The following SRPK1 variants were observed in gnomAD, a reference collection of about 807,000 sequenced individuals.
SRPK1 encodes the protein SFRS protein kinase 1.
In SRPK1, 52 loss-of-function variants were observed where a neutral mutation model predicts 89.5. The observed-to-expected ratio is 0.58, with a 90% CI of 0.46 to 0.73. The LOEUF (loss-of-function observed/expected upper bound fraction) is 0.73, where lower values mean the gene tolerates loss of function less well. Among genes scored for constraint, SRPK1 ranks in the 30% least tolerant of loss-of-function variants. SRPK1 has a pLI of 0.00. For synonymous variants in SRPK1, 255 were observed against 270.2 expected (o/e 0.94, Z 0.55); for missense variants, 603 against 780.6 (o/e 0.77, Z 2.71).
intron 13 of SRPK1, among the ~76,000 whole-genome samples, chr6:35,853,542 A>G (rs938537927): frequency 6.6e-6 from 1 of 152,098 alleles, no homozygotes; most frequent in African/African-American, 2.4e-5. Context: ...TTTTTTCCCT[A>G]ATCTTTCCCT....
intron 14 of SRPK1, among the ~76,000 whole-genome samples, chr6:35,841,111 T>A (rs2051647): frequency 6.6e-6 from 1 of 151,792 alleles, no homozygotes; most frequent in Admixed American, 6.6e-5. Context: ...AGGCCTATAA[T>A]CCCAAACACT....
At position 35,836,127 on chromosome 6, in the gene SRPK1, T is replaced by G. The variant is rs532729164; in HGVS notation, c.1784-639A>C. Among the ~76,000 whole-genome samples, 4 of 152,304 alleles carry G rather than the reference T, an allele frequency of 2.6e-5. No individual in the cohort carries two copies. The South Asian group carries it at 8.3e-4, about 32-fold the overall frequency. On this transcript the variant is annotated intron_variant, in intron 15 of 15. Coordinates refer to ENST00000373825, the MANE Select transcript of SRPK1 (RefSeq NM_003137.5). Reference sequence around the variant, plus strand: ...TCAGTGGTGGGCCAGCAAGCATTACTGCCTAAGCTCCACCTCCTGTCAGCT... The same window carrying G: ...TCAGTGGTGGGCCAGCAAGCATTACGGCCTAAGCTCCACCTCCTGTCAGCT...
intron 6 of SRPK1, among the ~76,000 whole-genome samples, chr6:35,876,085 TAAA>T (rs34493292): frequency 0.31 from 24,354 of 77,424 alleles, 2,439 homozygotes; most frequent in South Asian, 0.44. Context: ...ATTCTTAAAT[TAAA>T]AAAAAAAAAA....
intron 4 of SRPK1, 31 bp downstream of exon 4, chr6:35,888,784 C>T (rs1770459631): frequency 4.4e-6 from 6 of 1,377,234 alleles, no homozygotes; most frequent in Non-Finnish European, 6.2e-6. Context: ...CATCATCTAA[C>T]TAATTCTTTT....
intron 6 of SRPK1, among the ~76,000 whole-genome samples, chr6:35,879,685 G>A (rs146287129): frequency 2.0e-4 from 30 of 152,276 alleles, no homozygotes; most frequent in African/African-American, 6.5e-4. Flanking sequence ...GTTAAGTACA[G>A]CATATTCAAA....
chr6:35,880,870 T>C (rs1220009398), intron 6 of SRPK1, among the ~76,000 whole-genome samples: 2 of 147,910 alleles, frequency 1.4e-5, no homozygotes, highest in Admixed American at 1.3e-4. Context: ...TCAAGCAAGA[T>C]GAACTCAAAG....
rs1363912177 is a variant in SRPK1, at chr6:35,916,019, C to T, written c.74+4449G>A. ...ATATACACACACACACACACACACA[C>T]ACACACACACACACACACACACACG... On this transcript the variant is annotated intron_variant, in intron 2 of 15. Coordinates refer to ENST00000373825, the MANE Select transcript of SRPK1 (RefSeq NM_003137.5). Among the ~76,000 whole-genome samples the T allele has an allele frequency of 2.5e-4, 25 of 100,672 alleles. 1 individual carries two copies. The South Asian group carries it at 5.7e-3, about 23-fold the overall frequency. 66.0% of individuals were successfully genotyped at this position (100,672 alleles called of 152,430 possible).
chr6:35,887,408 C>T (rs1234173190), intron 5 of SRPK1, among the ~76,000 whole-genome samples: 1 of 152,124 alleles, frequency 6.6e-6, no homozygotes, highest in African/African-American at 2.4e-5. Flanking sequence ...GCAACATTCT[C>T]ACTTTATGAA....
intron 2 of SRPK1, among the ~76,000 whole-genome samples, chr6:35,907,941 G>A (rs1398544592): frequency 6.6e-6 from 1 of 152,136 alleles, no homozygotes; most frequent in Non-Finnish European, 1.5e-5. Context: ...GTTTTAAAGT[G>A]TGGCACTTCC....
chr6:35,876,395 G>C (rs1244444911), intron 6 of SRPK1, among the ~76,000 whole-genome samples: 1 of 152,140 alleles, frequency 6.6e-6, no homozygotes, highest in Non-Finnish European at 1.5e-5. Flanking sequence ...CTAGCACTTT[G>C]GGAGGCCGAG....
At chr6:35,845,888 T>C (rs554292381) in intron 13 of SRPK1, among the ~76,000 whole-genome samples, 2 of 152,320 alleles carry the variant, frequency 1.3e-5, no homozygotes, top group African/African-American at 2.4e-5. Context: ...GACCCCAGGT[T>C]TGACCACATT....
intron 2 of SRPK1, among the ~76,000 whole-genome samples, chr6:35,891,839 T>G (rs942532632): frequency 3.3e-5 from 5 of 152,186 alleles, no homozygotes; most frequent in African/African-American, 1.2e-4. Flanking sequence ...ACTAAAAATA[T>G]AGTTGTTGAA....
At chr6:35,837,731 T>C (rs1410977799) in intron 15 of SRPK1, among the ~76,000 whole-genome samples, 2 of 151,818 alleles carry the variant, frequency 1.3e-5, no homozygotes, top group East Asian at 3.9e-4. Flanking sequence ...AATTAAAAAT[T>C]TTTTTTTGTA....
At chr6:35,909,651 C>G (rs1040293193) in intron 2 of SRPK1, among the ~76,000 whole-genome samples, 5 of 152,142 alleles carry the variant, frequency 3.3e-5, no homozygotes, top group Non-Finnish European at 7.4e-5. Context: ...ATTGTAATAC[C>G]CACATGTCAT....
At chr6:35,895,781 A>G (rs1429400518) in intron 2 of SRPK1, 1 of 152,182 alleles carries the variant, frequency 6.6e-6, no homozygotes, top group African/African-American at 2.4e-5. Flanking sequence ...TACTCAGTCT[A>G]TTAGGTCGTA....
At chr6:35,895,123 G>A (rs758093996) in intron 2 of SRPK1, among the ~76,000 whole-genome samples, 13 of 151,946 alleles carry the variant, frequency 8.6e-5, no homozygotes, top group Non-Finnish European at 4.4e-5. Context: ...ACACAAGGGA[G>A]AAAAACATAA....
intron 2 of SRPK1, among the ~76,000 whole-genome samples, chr6:35,896,721 C>G (rs1008974773): frequency 2.6e-5 from 4 of 152,130 alleles, no homozygotes; most frequent in African/African-American, 9.7e-5. Context: ...AATGCAGGAA[C>G]TTATTATGAA....
intron 2 of SRPK1, among the ~76,000 whole-genome samples, chr6:35,905,730 T>C (rs1053520842): frequency 5.3e-5 from 8 of 152,290 alleles, no homozygotes; most frequent in Non-Finnish European, 1.0e-4. Flanking sequence ...CTGTTGTGTA[T>C]ATATTGTAGG....
chr6:35,861,710 G>C (rs1326752), intron 12 of SRPK1, among the ~76,000 whole-genome samples: 48,025 of 152,142 alleles, frequency 0.32, 7,831 homozygotes, highest in South Asian at 0.42. Flanking sequence ...TCGGGCTGAC[G>C]TGGCTGCAGC....
Sources: gnomAD v4.1 joint callset for allele counts (sites outside exome capture counted in the v4.1 genomes callset) on GRCh38, gnomAD v4.1.1 for gene constraint, MANE v1.5 for transcripts, NCBI Gene and HGNC (gene_info 2026-07-23, HGNC 2026-07-21) for gene names.